Variants in CCSER1 observed in about 807,000 individuals in gnomAD.
CCSER1 encodes serine-rich coiled-coil domain-containing protein 1.
In CCSER1, 41 loss-of-function variants were observed where a neutral mutation model predicts 82.0. The ratio of observed to expected loss-of-function variants is 0.50; its 90% CI spans 0.39 to 0.65. CCSER1 has a LOEUF of 0.65. Ranked by LOEUF, CCSER1 falls within the 30% of genes least tolerant of loss-of-function variation. The probability of loss-of-function intolerance (pLI) is 0.00; values close to 1 mark genes in which losing one functional copy is unlikely to be tolerated. For missense variants in CCSER1, 1,119 were observed against 1,064.2 expected (o/e 1.05, Z -0.72); for synonymous variants, 414 against 383.9 (o/e 1.08, Z -0.92).
intron 3 of CCSER1, among the ~76,000 whole-genome samples, chr4:90,394,539 C>T (rs1213911552): frequency 1.3e-5 from 2 of 152,080 alleles, no homozygotes; most frequent in Admixed American, 6.5e-5. Flanking sequence ...TTAGCATTTC[C>T]TTACAGTTAA....
chr4:90,749,821 T>C (rs2149478218), intron 7 of CCSER1, among the ~76,000 whole-genome samples: 1 of 151,910 alleles, frequency 6.6e-6, no homozygotes, highest in Non-Finnish European at 1.5e-5. Flanking sequence ...ATGGGATGGC[T>C]GGGTCAAATG....
At chr4:91,116,597 C>T (rs1389134590) in intron 10 of CCSER1, among the ~76,000 whole-genome samples, 1 of 152,056 alleles carries the variant, frequency 6.6e-6, no homozygotes, top group Non-Finnish European at 1.5e-5. Context: ...ATATGCAAAG[C>T]CATTAGAACA....
chr4:91,067,384 G>T (rs1431660468), intron 9 of CCSER1, among the ~76,000 whole-genome samples: 3 of 142,834 alleles, frequency 2.1e-5, no homozygotes, highest in African/African-American at 7.8e-5. Context: ...TCACTTTGTT[G>T]CCCAAGCTGA....
At chr4:91,471,693 A>G (rs1342607265) in intron 10 of CCSER1, among the ~76,000 whole-genome samples, 1 of 152,104 alleles carries the variant, frequency 6.6e-6, no homozygotes, top group Admixed American at 6.6e-5. Context: ...GTAGGATGTT[A>G]TAATTTTTTG....
intron 1 of CCSER1, among the ~76,000 whole-genome samples, chr4:90,248,196 T>A (rs1341448685): frequency 1.3e-5 from 2 of 152,166 alleles, no homozygotes; most frequent in Admixed American, 1.3e-4. Context: ...CAAGTACATA[T>A]AACACTGGCA....
At chr4:91,229,454 T>C (rs1738452524) in intron 10 of CCSER1, among the ~76,000 whole-genome samples, 1 of 152,058 alleles carries the variant, frequency 6.6e-6, no homozygotes, top group South Asian at 2.1e-4. Context: ...CCAATGACAT[T>C]AAATTCTAGA....
chr4:91,419,840 C>T (rs984245378), intron 10 of CCSER1, among the ~76,000 whole-genome samples: 24 of 151,994 alleles, frequency 1.6e-4, no homozygotes, highest in Admixed American at 5.9e-4. Flanking sequence ...ATGGTACTGG[C>T]ATAAAAACAA....
intron 10 of CCSER1, among the ~76,000 whole-genome samples, chr4:91,491,663 A>T (rs1308398832): frequency 6.6e-6 from 1 of 152,120 alleles, no homozygotes; most frequent in Admixed American, 6.6e-5. Flanking sequence ...GTTTCTTTAC[A>T]GTTATAGCTT....
At chr4:91,186,151 C>A (rs1734512699) in intron 10 of CCSER1, among the ~76,000 whole-genome samples, 1 of 152,110 alleles carries the variant, frequency 6.6e-6, no homozygotes, top group South Asian at 2.1e-4. Context: ...CCAGTGTCCT[C>A]CAGAAAAGAA....
intron 5 of CCSER1, among the ~76,000 whole-genome samples, chr4:90,574,835 T>A (rs949728541): frequency 6.6e-5 from 10 of 152,260 alleles, no homozygotes; most frequent in African/African-American, 2.4e-4. Flanking sequence ...AACTTTAATA[T>A]AATAATTTCT....
intron 6 of CCSER1, among the ~76,000 whole-genome samples, chr4:90,667,879 G>C (rs1514735): frequency 0.46 from 69,708 of 151,910 alleles, 16,384 homozygotes; most frequent in Middle Eastern, 0.59. Flanking sequence ...CTCTATGCAA[G>C]ACAAATAAAC....
At chr4:90,747,484 GAA>G in intron 7 of CCSER1, among the ~76,000 whole-genome samples, 1 of 150,250 alleles carries the variant, frequency 6.7e-6, no homozygotes, top group South Asian at 2.1e-4. Context: ...TGAGAGCAGA[GAA>G]AAAAAAAGAG....
intron 10 of CCSER1, among the ~76,000 whole-genome samples, chr4:91,413,620 G>T (rs143657220): frequency 6.6e-4 from 101 of 152,090 alleles, no homozygotes; most frequent in African/African-American, 2.2e-3. Context: ...AAGAGAAAAA[G>T]CCAGAAAGCT....
At chr4:91,224,090 CTGAGCTGTTCT>C (rs1174915183) in intron 10 of CCSER1, among the ~76,000 whole-genome samples, 1 of 149,414 alleles carries the variant, frequency 6.7e-6, no homozygotes, top group African/African-American at 2.5e-5. Flanking sequence ...AGTGCGGTGA[CTGAGCTGTTCT>C]TGAAAATATT....
At chr4:90,426,499 G>A (rs1757547881) in intron 4 of CCSER1, among the ~76,000 whole-genome samples, 1 of 152,050 alleles carries the variant, frequency 6.6e-6, no homozygotes, top group East Asian at 1.9e-4. Flanking sequence ...CATATTTTAT[G>A]AGCAGGAATC....
At chr4:90,580,521 A>C (rs1781311628) in intron 5 of CCSER1, among the ~76,000 whole-genome samples, 1 of 152,170 alleles carries the variant, frequency 6.6e-6, no homozygotes, top group Admixed American at 6.5e-5. Context: ...TGTTAGTGTA[A>C]ACTATCTGAT....
chr4:91,552,767 A>T (rs182579430), intron 10 of CCSER1, among the ~76,000 whole-genome samples: 1 of 150,010 alleles, frequency 6.7e-6, no homozygotes. Flanking sequence ...TAATTCTAAC[A>T]ATTTTCTTGG....
At chr4:90,353,718 A>G (rs1416558636) in intron 3 of CCSER1, among the ~76,000 whole-genome samples, 2 of 152,208 alleles carry the variant, frequency 1.3e-5, no homozygotes, top group African/African-American at 2.4e-5. Flanking sequence ...TGAAAACACA[A>G]GACAATATCC....
At chr4:90,145,400 GTCATA>G (rs1725615621) in intron 1 of CCSER1, among the ~76,000 whole-genome samples, 2 of 152,084 alleles carry the variant, frequency 1.3e-5, no homozygotes, top group Admixed American at 1.3e-4. Context: ...TGCTTTTTGT[GTCATA>G]TGTTGCTGCC....
Sources: allele counts gnomAD v4.1 joint callset (sites outside exome capture counted in the v4.1 genomes callset), GRCh38; gene constraint gnomAD v4.1.1; transcripts MANE v1.5; gene names NCBI Gene and HGNC (gene_info 2026-07-23, HGNC 2026-07-21).